The following PCSK6 variants were observed in gnomAD, a reference collection of about 807,000 sequenced individuals.
PCSK6 encodes paired basic amino acid cleaving enzyme 4.
Under a neutral mutation model 123.3 loss-of-function variants are expected in PCSK6, and 85 were observed. The observed-to-expected ratio is 0.69, with a 90% CI of 0.58 to 0.83. PCSK6 has a LOEUF of 0.83. Ranked by LOEUF, PCSK6 falls within the 40% of genes least tolerant of loss-of-function variation. The pLI, the probability that PCSK6 is intolerant of heterozygous loss-of-function variation, is 0.00. For synonymous variants in PCSK6, 508 were observed against 516.0 expected (o/e 0.98, Z 0.21); for missense variants, 1,191 against 1,282.3 (o/e 0.93, Z 1.09).
At chr15:101,469,956 C>T (rs2057564891) in intron 1 of PCSK6, among the ~76,000 whole-genome samples, 1 of 152,304 alleles carries the variant, frequency 6.6e-6, no homozygotes, top group African/African-American at 2.4e-5. Context: ...TAATGATAAT[C>T]GCCGTGATGA....
chr15:101,434,772 G>A lies in PCSK6; in HGVS notation c.403-2672C>T, dbSNP rs549451240. 5.3e-5 allele frequency among the ~76,000 whole-genome samples: 8 copies of A among 149,994 alleles called. No homozygotes were observed. The South Asian group carries it at 1.5e-3, about 28-fold the overall frequency. On this transcript the variant is annotated intron_variant, in intron 2 of 21. Coordinates refer to ENST00000611716, the MANE Select transcript of PCSK6 (RefSeq NM_002570.5). ...TCTCCGTGGAGACGGGATGCAGGCAGACAGCGCGGTGGCAGAGGCTGATTC... is the reference window on the plus strand; with the variant it reads ...TCTCCGTGGAGACGGGATGCAGGCAAACAGCGCGGTGGCAGAGGCTGATTC...
At chr15:101,412,691 T>TTTA (rs772007096) in intron 6 of PCSK6, among the ~76,000 whole-genome samples, 1 of 124,750 alleles carries the variant, frequency 8.0e-6, no homozygotes, top group African/African-American at 3.5e-5. Flanking sequence ...AACTGGAAAA[T>TTTA]TATATATATA....
At chr15:101,329,823 GC>G (rs2040336536) in intron 15 of PCSK6, among the ~76,000 whole-genome samples, 1 of 152,120 alleles carries the variant, frequency 6.6e-6, no homozygotes, top group South Asian at 2.1e-4. Context: ...TAATGTCCTG[GC>G]CTCCCAGCCA....
chr15:101,347,127 A>C (rs2040754545), intron 13 of PCSK6: 2 of 1,231,690 alleles, frequency 1.6e-6, no homozygotes, highest in South Asian at 4.1e-5. Context: ...CTATAATTGC[A>C]CTTTCCAGAA....
intron 13 of PCSK6, among the ~76,000 whole-genome samples, chr15:101,348,548 G>A (rs1005334922): frequency 3.3e-5 from 5 of 152,224 alleles, no homozygotes; most frequent in African/African-American, 1.2e-4. Flanking sequence ...ACTGACATGT[G>A]TAATTGGCTT....
chr15:101,423,096 G>A (rs1020336101), intron 6 of PCSK6, among the ~76,000 whole-genome samples: 1 of 152,046 alleles, frequency 6.6e-6, no homozygotes, highest in African/African-American at 2.4e-5. Flanking sequence ...CCTAGATGTT[G>A]GAATTAAGTG....
chr15:101,332,542 C>T (rs921690686), intron 13 of PCSK6, among the ~76,000 whole-genome samples: 1 of 152,214 alleles, frequency 6.6e-6, no homozygotes, highest in African/African-American at 2.4e-5. Flanking sequence ...CATGGGAAGA[C>T]TCAGTCTTGG....
At chr15:101,418,753 T>C (rs1415035878) in intron 6 of PCSK6, among the ~76,000 whole-genome samples, 1 of 152,164 alleles carries the variant, frequency 6.6e-6, no homozygotes, top group Non-Finnish European at 1.5e-5. Context: ...CATCAGGTGA[T>C]CCACCCACTT....
intron 1 of PCSK6, among the ~76,000 whole-genome samples, chr15:101,476,695 A>C (rs953121209): frequency 2.6e-5 from 4 of 152,194 alleles, no homozygotes; most frequent in Non-Finnish European, 5.9e-5. Context: ...TAAATCAGGG[A>C]TCGGATGAGG....
intron 1 of PCSK6, among the ~76,000 whole-genome samples, chr15:101,456,938 A>T (rs2009760): frequency 0.13 from 19,228 of 152,098 alleles, 1,377 homozygotes; most frequent in East Asian, 0.24. Context: ...GCACTTTGGG[A>T]GGCCAAGCAG....
rs142333005 is a variant in PCSK6 at position 101,457,062 on chromosome 15, A to G, written c.298-13402T>C. On this transcript the variant is annotated intron_variant, in intron 1 of 21. Coordinates refer to ENST00000611716, the MANE Select transcript of PCSK6 (RefSeq NM_002570.5). Reference sequence around the variant, plus strand: ...GTGGTGCACACCTGTAATCCCAGCTACTTGGGAGGCTGAGGCAGGAGAATC... The same window carrying G: ...GTGGTGCACACCTGTAATCCCAGCTGCTTGGGAGGCTGAGGCAGGAGAATC... Among the ~76,000 whole-genome samples the G allele has an allele frequency of 7.4e-3, 1,134 of 152,318 alleles. 9 individuals carry two copies. Among genetic ancestry groups the G allele is most frequent in the Non-Finnish European group, 9.4e-3 (638 of 68,032 alleles).
chr15:101,310,965 A>G (rs1206742287), intron 20 of PCSK6, among the ~76,000 whole-genome samples: 2 of 152,102 alleles, frequency 1.3e-5, no homozygotes, highest in Non-Finnish European at 2.9e-5. Flanking sequence ...TGTCATGATG[A>G]GATGTGATCC....
At chr15:101,353,518 C>T (rs150168257) in intron 13 of PCSK6, among the ~76,000 whole-genome samples, 2 of 152,328 alleles carry the variant, frequency 1.3e-5, no homozygotes, top group Non-Finnish European at 2.9e-5. Flanking sequence ...AGGCCTGCTG[C>T]TCTCTTGGAT....
At chr15:101,400,849 G>A (rs997454264) in intron 6 of PCSK6, among the ~76,000 whole-genome samples, 9 of 152,202 alleles carry the variant, frequency 5.9e-5, no homozygotes, top group South Asian at 2.1e-4. Flanking sequence ...AGATGATTTC[G>A]CTGCAGTAAA....
intron 8 of PCSK6, among the ~76,000 whole-genome samples, chr15:101,390,341 A>ACTGCTAGCTGGGGGCTCT (rs376915380): frequency 1.9e-4 from 16 of 83,838 alleles, no homozygotes; most frequent in East Asian, 5.0e-4. Flanking sequence ...CAGGTGTGCT[A>ACTGCTAGCTGGGGGCTCT]GGTGGGATTG....
chr15:101,326,309 G>A (rs1327234905), intron 16 of PCSK6, 68 bp downstream of exon 16: 2 of 1,237,686 alleles, frequency 1.6e-6, no homozygotes, highest in Non-Finnish European at 2.3e-6. Context: ...ATCAGGACAT[G>A]GAGGGGCTAA....
chr15:101,318,414 C>A lies in PCSK6; in HGVS notation c.2474G>T (p.Arg825Leu). Reference sequence around the variant, plus strand: ...CTCACAGTCAGGAATGCAGCTGCCCCGTGCAAGGCTGTTGAAAAGAAAGAG... The same window carrying A: ...CTCACAGTCAGGAATGCAGCTGCCCAGTGCAAGGCTGTTGAAAAGAAAGAG... ...TVCKEGFSLA[R>L]GSCIPDCEPG... The change falls in exon 19 of 22, where the codon CGG (arginine) becomes CTG (leucine). Residue 825 changes from arginine (R) to leucine (L), a missense_variant. Physicochemically the swap from Arg to Leu is moderately radical, Grantham distance 102 (BLOSUM62 -2). This residue lies in a region of PCSK6 where 630 missense variants were observed against 631.4 expected (regional missense o/e 1.00). Coordinates refer to ENST00000611716, the MANE Select transcript of PCSK6 (RefSeq NM_002570.5). The A allele has an allele frequency of 6.4e-7, 1 of 1,557,644 alleles. No homozygotes were observed.
intron 6 of PCSK6, among the ~76,000 whole-genome samples, chr15:101,410,171 G>A (rs771280477): frequency 6.6e-6 from 1 of 152,198 alleles, no homozygotes; most frequent in African/African-American, 2.4e-5. Context: ...GGCCTCAAGT[G>A]ATCCTCCTGC....
intron 7 of PCSK6, among the ~76,000 whole-genome samples, chr15:101,394,069 T>C (rs2042320781): frequency 6.6e-6 from 1 of 151,984 alleles, no homozygotes; most frequent in African/African-American, 2.4e-5. Flanking sequence ...AGTATCAGGG[T>C]GGTCTGATTT....
Sources: allele counts gnomAD v4.1 joint callset (sites outside exome capture counted in the v4.1 genomes callset), GRCh38; gene constraint gnomAD v4.1.1; regional missense constraint gnomAD v4.1.1; transcripts MANE v1.5; gene names NCBI Gene and HGNC (gene_info 2026-07-23, HGNC 2026-07-21).